NNMT: variants seen among roughly 807,000 people sequenced by gnomAD.
The protein encoded by NNMT is nicotinamide N-methyltransferase.
NNMT carries 10 observed loss-of-function variants against 11.7 expected under a neutral mutation model. The ratio of observed to expected loss-of-function variants is 0.85; its 90% confidence interval spans 0.53 to 1.45. The LOEUF (loss-of-function observed/expected upper bound fraction) is 1.45. NNMT is among the 40% of genes most tolerant of loss of function. NNMT has a pLI of 0.00. For synonymous variants in NNMT, 143 were observed against 133.8 expected (o/e 1.07, Z -0.48); for missense variants, 381 against 319.4 (o/e 1.19, Z -1.47).
intron 2 of NNMT, among the ~76,000 whole-genome samples, chr11:114,266,894 C>T (rs1412784308): frequency 6.6e-6 from 1 of 152,226 alleles, no homozygotes; most frequent in Non-Finnish European, 1.5e-5. Context: ...AAACCATGAG[C>T]TGAATAAACT....
chr11:114,294,370 T>A (rs1307765598), upstream of NNMT, among the ~76,000 whole-genome samples: 1 of 150,086 alleles, frequency 6.7e-6, no homozygotes, highest in East Asian at 2.0e-4. Flanking sequence ...CCCAGCTGCT[T>A]GGGAGGCTGA....
intron 2 of NNMT, among the ~76,000 whole-genome samples, chr11:114,267,221 C>T (rs1390161071): frequency 3.9e-5 from 6 of 152,192 alleles, no homozygotes; most frequent in Non-Finnish European, 5.9e-5. Flanking sequence ...ACCAAGATCA[C>T]GTCACTGCAG....
At chr11:114,279,374 C>T (rs1292131781) in intron 2 of NNMT, among the ~76,000 whole-genome samples, 3 of 152,116 alleles carry the variant, frequency 2.0e-5, no homozygotes, top group African/African-American at 7.2e-5. Context: ...GGGATTAGTT[C>T]CTGCTGGGGA....
chr11:114,311,975 C>T (rs966363234), intron 2 of NNMT, 70 bp from the exon 3 acceptor site: 2 of 1,491,490 alleles, frequency 1.3e-6, no homozygotes, highest in Non-Finnish European at 1.8e-6. Flanking sequence ...CATTTTTAGC[C>T]TTGACCCAAG....
At chr11:114,262,791 G>A (rs937758076) in intron 1 of NNMT, 6 of 152,164 alleles carry the variant, frequency 3.9e-5, no homozygotes, top group African/African-American at 1.4e-4. Context: ...CCTATCACCT[G>A]TCAGCACTTT....
intron 2 of NNMT, among the ~76,000 whole-genome samples, chr11:114,271,081 A>G: frequency 6.6e-6 from 1 of 152,132 alleles, no homozygotes; most frequent in East Asian, 1.9e-4. Context: ...TCGGCTCCGA[A>G]TGACCTTTGT....
At chr11:114,264,265 G>A (rs1945104032) in intron 2 of NNMT, among the ~76,000 whole-genome samples, 1 of 151,940 alleles carries the variant, frequency 6.6e-6, no homozygotes, top group Non-Finnish European at 1.5e-5. Flanking sequence ...TTCCTTGGAA[G>A]AGCAAAATTC....
At chr11:114,268,031 A>G (rs1591825554) in intron 2 of NNMT, among the ~76,000 whole-genome samples, 1 of 152,188 alleles carries the variant, frequency 6.6e-6, no homozygotes, top group South Asian at 2.1e-4. Flanking sequence ...AGCGGTGATT[A>G]TTATTATCTA....
At chr11:114,289,093 T>A (rs1461172292) in intron 2 of NNMT, among the ~76,000 whole-genome samples, 1 of 152,238 alleles carries the variant, frequency 6.6e-6, no homozygotes, top group South Asian at 2.1e-4. Flanking sequence ...AATTCTTTAA[T>A]GGTTATAAGG....
chr11:114,298,645 C>A (rs1198903712), intron 2 of NNMT, among the ~76,000 whole-genome samples: 2 of 152,118 alleles, frequency 1.3e-5, no homozygotes, highest in African/African-American at 4.8e-5. Flanking sequence ...CAACCAAAAT[C>A]TGACTAGGTT....
intron 2 of NNMT, among the ~76,000 whole-genome samples, chr11:114,284,882 GCCTCAGCCTC>G (rs1289918915): frequency 1.4e-5 from 2 of 144,748 alleles, no homozygotes; most frequent in Non-Finnish European, 3.0e-5. Flanking sequence ...TGATTCTCCT[GCCTCAGCCTC>G]CCAAGTAGCT....
At chr11:114,268,791 A>C (rs940345522) in intron 2 of NNMT, among the ~76,000 whole-genome samples, 1 of 151,162 alleles carries the variant, frequency 6.6e-6, no homozygotes, top group Non-Finnish European at 1.5e-5. Context: ...AAAAAAAAAA[A>C]CTGAAACAGC....
intron 1 of NNMT, among the ~76,000 whole-genome samples, chr11:114,258,068 C>T (rs374937365): frequency 6.6e-6 from 1 of 152,196 alleles, no homozygotes; most frequent in African/African-American, 2.4e-5. Flanking sequence ...CCCACTGCCG[C>T]CCCCTGCCAG....
upstream of NNMT, among the ~76,000 whole-genome samples, chr11:114,294,442 C>A (rs1251453899): frequency 6.9e-6 from 1 of 144,130 alleles, no homozygotes; most frequent in African/African-American, 2.6e-5. Context: ...CGCGTCACTG[C>A]ACTCCAGCCT....
chr11:114,286,713 G>A (rs922793645), intron 2 of NNMT, among the ~76,000 whole-genome samples: 9 of 152,140 alleles, frequency 5.9e-5, no homozygotes, highest in Admixed American at 5.9e-4. Context: ...GTTGTTTCTA[G>A]TTGGGGGCTG....
intron 2 of NNMT, among the ~76,000 whole-genome samples, chr11:114,281,875 G>A (rs1269977442): frequency 6.6e-6 from 1 of 152,110 alleles, no homozygotes; most frequent in East Asian, 1.9e-4. Context: ...CTTTTTCTCT[G>A]GGGGAATGTC....
At chr11:114,258,100 G>T (rs1010248475) in intron 1 of NNMT, among the ~76,000 whole-genome samples, 4 of 152,172 alleles carry the variant, frequency 2.6e-5, no homozygotes, top group African/African-American at 9.7e-5. Flanking sequence ...ACTGCCCTCT[G>T]CCCCAACCCT....
At chr11:114,305,585 G>A (rs1447669584) in intron 2 of NNMT, among the ~76,000 whole-genome samples, 1 of 148,738 alleles carries the variant, frequency 6.7e-6, no homozygotes, top group African/African-American at 2.5e-5. Flanking sequence ...ACCTATGAGT[G>A]AGAACGTGTG....
intron 2 of NNMT, among the ~76,000 whole-genome samples, chr11:114,300,316 A>G (rs1437455369): frequency 6.6e-6 from 1 of 152,038 alleles, no homozygotes; most frequent in Non-Finnish European, 1.5e-5. Flanking sequence ...TTTTTTGACC[A>G]TGAATTATTT....
Sources: allele counts gnomAD v4.1 joint callset (sites outside exome capture counted in the v4.1 genomes callset), GRCh38; gene constraint gnomAD v4.1.1; transcripts MANE v1.5; gene names NCBI Gene and HGNC (gene_info 2026-07-23, HGNC 2026-07-21).